Variants in NELL2 observed in about 807,000 individuals in gnomAD.
The protein encoded by NELL2 is protein kinase C-binding protein NELL2.
A neutral mutation model predicts 109.6 loss-of-function variants in NELL2; 41 were observed. The observed-to-expected ratio is 0.37, with a 90% CI of 0.29 to 0.49. The LOEUF (loss-of-function observed/expected upper bound fraction) is 0.49. Among genes scored for constraint, NELL2 ranks in the 20% least tolerant of loss-of-function variants. NELL2 has a pLI of 0.98. For missense variants in NELL2, 900 were observed against 1,008.3 expected (o/e 0.89, Z 1.45); for synonymous variants, 355 against 344.7 (o/e 1.03, Z -0.33).
chr12:44,866,393 A>G (rs574797950), intron 2 of NELL2, among the ~76,000 whole-genome samples: 9 of 152,318 alleles, frequency 5.9e-5, no homozygotes, highest in African/African-American at 2.2e-4. Flanking sequence ...AATTAGAAGG[A>G]AAGGGGAAAT....
chr12:44,690,483 T>C (rs925311392), intron 12 of NELL2, among the ~76,000 whole-genome samples: 3 of 151,900 alleles, frequency 2.0e-5, no homozygotes, highest in African/African-American at 4.8e-5. Flanking sequence ...AGCTCCTAGA[T>C]GGTGGCCCAT....
chr12:44,638,672 C>T (rs189688071), intron 13 of NELL2, among the ~76,000 whole-genome samples: 3 of 152,232 alleles, frequency 2.0e-5, no homozygotes, highest in Admixed American at 6.5e-5. Flanking sequence ...GTAAACTGAC[C>T]TCTAGCTTCA....
At chr12:44,866,376 A>T (rs1678821695) in intron 2 of NELL2, among the ~76,000 whole-genome samples, 1 of 152,250 alleles carries the variant, frequency 6.6e-6, no homozygotes, top group Non-Finnish European at 1.5e-5. Flanking sequence ...AAAGAAATTA[A>T]AAGGGAAATT....
chr12:44,695,975 C>G lies in NELL2; in HGVS notation c.1318+7751G>C, dbSNP rs548667948. On this transcript the variant is annotated intron_variant, in intron 12 of 19. Coordinates refer to ENST00000429094, the MANE Select transcript of NELL2 (RefSeq NM_001145108.2). ...CTCCAGCCTAGGCAACAGAGTGAGA[C>G]CCTGCCTCAAAAACAAACAGAAACC... Among the ~76,000 whole-genome samples, 24 of 152,258 alleles carry G rather than the reference C, an allele frequency of 1.6e-4. No individual in the cohort carries two copies. The South Asian group carries it at 4.4e-3, about 28-fold the overall frequency.
chr12:44,551,101 C>A (rs148811372), intron 15 of NELL2, among the ~76,000 whole-genome samples: 202 of 152,228 alleles, frequency 1.3e-3, no homozygotes, highest in African/African-American at 4.6e-3. Context: ...ATGGTACTGA[C>A]AGTTTCACAA....
At chr12:44,622,772 C>CCTAT (rs1946106162) in intron 13 of NELL2, among the ~76,000 whole-genome samples, 1 of 152,058 alleles carries the variant, frequency 6.6e-6, no homozygotes, top group South Asian at 2.1e-4. Context: ...GCAAAAGAAA[C>CCTAT]CTATCAGTGT....
intron 16 of NELL2, 30 bp downstream of exon 16, chr12:44,532,551 T>A (rs2270479): frequency 0.46 from 726,661 of 1,593,688 alleles, 171,349 homozygotes; most frequent in East Asian, 0.65. Context: ...AGAGAAGTTC[T>A]TAAATTCTAG....
chr12:44,830,008 A>C (rs1943836938), intron 2 of NELL2, among the ~76,000 whole-genome samples: 1 of 152,236 alleles, frequency 6.6e-6, no homozygotes, highest in African/African-American at 2.4e-5. Flanking sequence ...TTATTATTCT[A>C]ACCACGTATG....
chr12:44,877,146 TAGAG>T (rs10624802), upstream of NELL2: 11 of 149,592 alleles, frequency 7.4e-5, no homozygotes, highest in African/African-American at 9.9e-5. Flanking sequence ...AGGAGATGGT[TAGAG>T]AGAGAGAGAG....
chr12:44,830,263 A>G (rs1302024863), intron 2 of NELL2, among the ~76,000 whole-genome samples: 1 of 152,212 alleles, frequency 6.6e-6, no homozygotes, highest in African/African-American at 2.4e-5. Context: ...GAGATAGTAC[A>G]TGGTGTCCCA....
At chr12:44,591,551 C>A (rs1286879079) in intron 15 of NELL2, among the ~76,000 whole-genome samples, 1 of 152,036 alleles carries the variant, frequency 6.6e-6, no homozygotes, top group Non-Finnish European at 1.5e-5. Context: ...GTCACCCATA[C>A]ATGGAACCTA....
intron 15 of NELL2, among the ~76,000 whole-genome samples, chr12:44,578,539 T>C (rs889821388): frequency 1.3e-5 from 2 of 152,042 alleles, no homozygotes; most frequent in African/African-American, 4.8e-5. Context: ...TGTTCCACAG[T>C]CTTCCTTCTA....
intron 3 of NELL2, among the ~76,000 whole-genome samples, chr12:44,802,897 G>A (rs1942880832): frequency 6.6e-6 from 1 of 152,016 alleles, no homozygotes; most frequent in Non-Finnish European, 1.5e-5. Context: ...GTGGGTGAAG[G>A]TCTGATGAGG....
intron 8 of NELL2, 69 bp from the exon 9 acceptor site, chr12:44,774,918 C>A: frequency 1.6e-6 from 2 of 1,221,956 alleles, no homozygotes; most frequent in Non-Finnish European, 2.4e-6. Context: ...TTTTTGAATT[C>A]ATTCCTTAAA....
At chr12:44,590,213 GTA>G (rs1334508601) in intron 15 of NELL2, among the ~76,000 whole-genome samples, 5 of 151,434 alleles carry the variant, frequency 3.3e-5, no homozygotes, top group African/African-American at 7.3e-5. Flanking sequence ...TTTATACTTA[GTA>G]TATATATATT....
chr12:44,677,311 T>G (rs1948352715), intron 12 of NELL2, among the ~76,000 whole-genome samples: 1 of 152,114 alleles, frequency 6.6e-6, no homozygotes, highest in African/African-American at 2.4e-5. Flanking sequence ...CACTGAAGTT[T>G]TTTAAATTAT....
chr12:44,539,035 T>C (rs1385733614), intron 15 of NELL2, among the ~76,000 whole-genome samples: 1 of 152,166 alleles, frequency 6.6e-6, no homozygotes, highest in Non-Finnish European at 1.5e-5. Context: ...TAATGTTCCT[T>C]GGGGAAGCTT....
chr12:44,595,244 T>A (rs946882228), intron 15 of NELL2, among the ~76,000 whole-genome samples: 1 of 152,146 alleles, frequency 6.6e-6, no homozygotes, highest in Non-Finnish European at 1.5e-5. Flanking sequence ...AAGGACAAAG[T>A]CAAGGTTTAT....
At chr12:44,833,468 T>A (rs1277169214) in intron 2 of NELL2, among the ~76,000 whole-genome samples, 1 of 152,188 alleles carries the variant, frequency 6.6e-6, no homozygotes, top group Non-Finnish European at 1.5e-5. Context: ...TATGCCAGTC[T>A]TACATCCTCA....
Sources: gnomAD v4.1 joint callset for allele counts (sites outside exome capture counted in the v4.1 genomes callset) on GRCh38, gnomAD v4.1.1 for gene constraint, MANE v1.5 for transcripts, NCBI Gene and HGNC (gene_info 2026-07-23, HGNC 2026-07-21) for gene names.